Variants in CD300A observed in about 807,000 individuals in gnomAD.
CD300A encodes CMRF35-like molecule 8.
A neutral mutation model predicts 33.6 loss-of-function variants in CD300A; 22 were observed. The observed-to-expected ratio is 0.66, with a 90% confidence interval of 0.47 to 0.94. The LOEUF (loss-of-function observed/expected upper bound fraction) is 0.94. Ranked by LOEUF, CD300A falls within the 40% of genes least tolerant of loss-of-function variation. The pLI is 0.00. For synonymous variants in CD300A, 136 were observed against 148.1 expected (o/e 0.92, Z 0.59); for missense variants, 326 against 360.5 (o/e 0.90, Z 0.77).
chr17:74,484,171 A>C lies in CD300A; in HGVS notation c.*45A>C. On this transcript the variant is annotated 3_prime_UTR_variant, in exon 7 of 7. Transcript: ENST00000360141. ...ATCGGAGCTCTCATGGGCCCCAGGA[A>C]GTCCAGGGACAGCTCCCTTATACCT... The C allele has an allele frequency of 1.2e-6, 2 of 1,607,216 alleles. No homozygotes were observed. Among genetic ancestry groups the C allele is most frequent in the Non-Finnish European group, 1.7e-6 (2 of 1,176,074 alleles).
chr17:74,466,828 GC>G lies in CD300A; in HGVS notation c.40+89del, dbSNP rs1905742641. The G allele has an allele frequency of 4.5e-6, 7 of 1,548,076 alleles. No homozygotes were observed. The Admixed American group carries it at 5.9e-5, about 13-fold the overall frequency. ...CCGCAGGGCAGGTATCACACGAGAC[GC>G]CCCGAGTCTGGACTCCGTGCAGAAC... On this transcript the variant is annotated intron_variant, in intron 1 of 6. Transcript: ENST00000360141.
chr17:74,467,362 T>G (rs1026226440), intron 1 of CD300A, among the ~76,000 whole-genome samples: 3 of 151,888 alleles, frequency 2.0e-5, no homozygotes, highest in African/African-American at 7.3e-5. Context: ...GGTTAGCCCC[T>G]GCATGGGCCT....
At chr17:74,474,258 T>C (rs7212146) in intron 2 of CD300A, among the ~76,000 whole-genome samples, 14 of 152,164 alleles carry the variant, frequency 9.2e-5, no homozygotes, top group Admixed American at 8.5e-4. Flanking sequence ...ATTTGCAGTG[T>C]AGACAGACTC....
At position 74,473,927 on chromosome 17, in the gene CD300A, G is replaced by C. The variant is rs1378477560; in HGVS notation, c.379+53G>C. On this transcript the variant is annotated intron_variant, in intron 2 of 6. Transcript: ENST00000360141. ...AATAGGCTCAGGTTGGAATTGTTGGGGCAGGAATCAGATCAGAGACGTGAA... is the reference window on the plus strand; with the variant it reads ...AATAGGCTCAGGTTGGAATTGTTGGCGCAGGAATCAGATCAGAGACGTGAA... The C allele has an allele frequency of 3.2e-6, 5 of 1,572,252 alleles. No individual in the cohort carries two copies. In the African/African-American group the frequency reaches 5.4e-5, roughly 17 times the overall value.
At chr17:74,482,184 G>A (rs34615254) in intron 6 of CD300A, among the ~76,000 whole-genome samples, 45,456 of 151,446 alleles carry the variant, frequency 0.3, 7,290 homozygotes, top group East Asian at 0.54. Flanking sequence ...TTCTGCTTTC[G>A]GGTTTTTGTC....
At chr17:74,477,568 G>A in intron 4 of CD300A, 38 bp downstream of exon 4, 2 of 1,470,844 alleles carry the variant, frequency 1.4e-6, no homozygotes, top group Non-Finnish European at 1.9e-6. Flanking sequence ...CCCACCTGGG[G>A]TGGTCAGACC....
chr17:74,466,577 A>C, upstream of CD300A: 12 of 1,100,244 alleles, frequency 1.1e-5, no homozygotes, highest in Non-Finnish European at 1.6e-5. Context: ...AACCAAAAGA[A>C]GCTGAACAAG....
At chr17:74,479,976 A>G (rs1906724825) in intron 4 of CD300A, among the ~76,000 whole-genome samples, 1 of 152,248 alleles carries the variant, frequency 6.6e-6, no homozygotes, top group East Asian at 1.9e-4. Context: ...TCTTACCTTC[A>G]GTGAGCTTCC....
intron 4 of CD300A, among the ~76,000 whole-genome samples, chr17:74,477,771 G>T (rs1906572645): frequency 6.6e-6 from 1 of 152,070 alleles, no homozygotes; most frequent in African/African-American, 2.4e-5. Context: ...GCCAAGGGTG[G>T]TTGCCCCATG....
At chr17:74,466,570 C>A (rs989634478), upstream of CD300A, 2 of 1,055,336 alleles carry the variant, frequency 1.9e-6, no homozygotes, top group Non-Finnish European at 2.8e-6. Flanking sequence ...GGAATAGAAC[C>A]AAAAGAAGCT....
chr17:74,481,450 G>T, intron 5 of CD300A, 124 bp downstream of exon 5: 1 of 861,568 alleles, frequency 1.2e-6, no homozygotes, highest in Non-Finnish European at 1.9e-6. Context: ...CCCAGAGCAG[G>T]ACGAATGATG....
intron 4 of CD300A, among the ~76,000 whole-genome samples, chr17:74,478,154 C>T (rs867866746): frequency 6.6e-6 from 1 of 152,226 alleles, no homozygotes; most frequent in Non-Finnish European, 1.5e-5. Flanking sequence ...TCCCCTGCCC[C>T]CTCTCCCCAG....
chr17:74,466,942 G>A (rs1010986354), intron 1 of CD300A, 199 bp downstream of exon 1: 94 of 1,435,112 alleles, frequency 6.6e-5, no homozygotes, highest in South Asian at 1.6e-4. Context: ...GGCCTCTCCC[G>A]GCTCTGCACC....
intron 1 of CD300A, among the ~76,000 whole-genome samples, chr17:74,468,981 T>C (rs899052349): frequency 2.6e-5 from 4 of 152,188 alleles, no homozygotes; most frequent in African/African-American, 9.7e-5. Context: ...CTTTCAGCTA[T>C]GAAGGAGGTG....
At position 74,482,697 on chromosome 17, in the gene CD300A, CCTTT is replaced by C. The variant is rs146984765; in HGVS notation, c.774+897_774+900del. 8.1e-3 allele frequency among the ~76,000 whole-genome samples: 1,053 copies of C among 130,160 alleles called. 27 individuals carry two copies. Among genetic ancestry groups the C allele is most frequent in the East Asian group, 0.034 (162 of 4,816 alleles). 85.4% of individuals were successfully genotyped at this position (130,160 alleles called of 152,430 possible). A position where few individuals can be genotyped will look rare whatever the true frequency, so the allele number is the denominator to read the frequency against. On this transcript the variant is annotated intron_variant, in intron 6 of 6. Transcript: ENST00000360141. ...GGCCAAGTTCCTTCCTTCCTTCCTTCCTTTCTTTCTTTCTTTCTTTCTTTCTTTC... is the reference window on the plus strand; with the variant it reads ...GGCCAAGTTCCTTCCTTCCTTCCTTCCTTTCTTTCTTTCTTTCTTTCTTTC...
rs1437081772 is a variant in CD300A, at chr17:74,484,305, G to A, written c.*179G>A. On this transcript the variant is annotated 3_prime_UTR_variant, in exon 7 of 7. Coordinates refer to ENST00000360141, the MANE Select transcript of CD300A (RefSeq NM_007261.4). Reference sequence around the variant, plus strand: ...ATCAGCTTGATTGGCTTCCCCGAGGGCCAGCAGGGCTGGGGGCTCCGGAGA... The same window carrying A: ...ATCAGCTTGATTGGCTTCCCCGAGGACCAGCAGGGCTGGGGGCTCCGGAGA... 3.4e-6 allele frequency: 2 copies of A among 591,482 alleles called. No individual in the cohort carries two copies. Among genetic ancestry groups the A allele is most frequent in the Admixed American group, 3.1e-5 (1 of 32,334 alleles). The allele number at this position is 591,482 out of a possible 1,614,324, so 36.6% of individuals were successfully genotyped here. A position where few individuals can be genotyped will look rare whatever the true frequency, so the allele number is the denominator to read the frequency against.
At chr17:74,475,144 G>C (rs1158123247) in intron 3 of CD300A, among the ~76,000 whole-genome samples, 1 of 152,162 alleles carries the variant, frequency 6.6e-6, no homozygotes, top group African/African-American at 2.4e-5. Flanking sequence ...AAGGCAAAAG[G>C]CATGTCTTAC....
upstream of CD300A, chr17:74,466,482 A>G (rs1321328674): frequency 3.4e-6 from 2 of 595,580 alleles, no homozygotes; most frequent in East Asian, 2.8e-5. Context: ...AGCCTCAACC[A>G]GCGTTAAGGA....
intron 2 of CD300A, 138 bp downstream of exon 2, chr17:74,474,012 A>G: frequency 2.1e-6 from 2 of 944,260 alleles, no homozygotes; most frequent in Non-Finnish European, 3.1e-6. Context: ...AGGGGAACAC[A>G]GTCAGGGGGT....
Sources: gnomAD v4.1 joint callset for allele counts (sites outside exome capture counted in the v4.1 genomes callset) on GRCh38, gnomAD v4.1.1 for gene constraint, MANE v1.5 for transcripts, NCBI Gene and HGNC (gene_info 2026-07-23, HGNC 2026-07-21) for gene names.